RIPOR3: variants seen among roughly 807,000 people sequenced by gnomAD.
RIPOR3 encodes RIPOR family member 3.
In RIPOR3, 95 loss-of-function variants were observed where a neutral mutation model predicts 114.3. The ratio of observed to expected loss-of-function variants is 0.83; its 90% CI spans 0.70 to 0.99. The LOEUF is 0.99. RIPOR3 is among the 50% of genes least tolerant of loss of function. The probability of loss-of-function intolerance (pLI) is 0.00; values close to 1 mark genes in which losing one functional copy is unlikely to be tolerated. For missense variants in RIPOR3, 1,252 were observed against 1,266.9 expected (o/e 0.99, Z 0.18); for synonymous variants, 575 against 543.8 (o/e 1.06, Z -0.80).
At chr20:50,686,610 G>A (rs1229425998) in intron 1 of RIPOR3, among the ~76,000 whole-genome samples, 1 of 151,908 alleles carries the variant, frequency 6.6e-6, no homozygotes, top group African/African-American at 2.4e-5. Flanking sequence ...TTAGCCAGGT[G>A]TGGTGGTGGG....
intron 21 of RIPOR3, among the ~76,000 whole-genome samples, chr20:50,587,570 CCAAAGGT>C (rs1381609975): frequency 1.3e-5 from 2 of 152,190 alleles, no homozygotes; most frequent in Non-Finnish European, 2.9e-5. Context: ...GGCTTCTATC[CCAAAGGT>C]CTAAGAAGAC....
At chr20:50,675,583 G>T (rs1362922148) in intron 1 of RIPOR3, among the ~76,000 whole-genome samples, 1 of 152,194 alleles carries the variant, frequency 6.6e-6, no homozygotes, top group Admixed American at 6.5e-5. Flanking sequence ...AGTCCTCACC[G>T]ACCACACTGT....
intron 19 of RIPOR3, among the ~76,000 whole-genome samples, chr20:50,591,451 G>A (rs1568814642): frequency 6.6e-6 from 1 of 152,162 alleles, no homozygotes; most frequent in East Asian, 1.9e-4. Flanking sequence ...TGGGTTATGG[G>A]TGCAGGTGGA....
chr20:50,651,619 G>A (rs2085616527), intron 1 of RIPOR3, among the ~76,000 whole-genome samples: 1 of 152,156 alleles, frequency 6.6e-6, no homozygotes, highest in African/African-American at 2.4e-5. Context: ...ACTGGCTGTG[G>A]AACGTTGTCC....
Position 50,608,686 on chromosome 20 carries a change from G to T in RIPOR3, c.737C>A (p.Ser246Ter), listed in dbSNP as rs1040802704. ...QRWKLKGRIE[S>*]DDSQTWDEEE... Reference sequence around the variant, plus strand: ...TTCGTCCCAGGTCTGGCTGTCATCTGACTCGATCCGACCCTTGAGCTTCCA... The same window carrying T: ...TTCGTCCCAGGTCTGGCTGTCATCTTACTCGATCCGACCCTTGAGCTTCCA... The change falls in exon 10 of 22, where the codon TCA (serine) becomes TAA (stop). Residue 246 changes from serine to a stop codon, truncating the protein, a stop_gained. Transcript: ENST00000327979. LOFTEE classifies it high-confidence loss of function. The T allele has an allele frequency of 6.2e-7, 1 of 1,614,052 alleles. No individual in the cohort carries two copies. Among genetic ancestry groups the T allele is most frequent in the South Asian group, 1.1e-5 (1 of 91,074 alleles).
At position 50,602,468 on chromosome 20, in the gene RIPOR3, G is replaced by A. The variant is rs180762335; in HGVS notation, c.1263C>T (p.Ser421=). 298 of 1,560,082 alleles carry A rather than the reference G, an allele frequency of 1.9e-4. 1 individual carries two copies. The East Asian group carries it at 6.5e-3, about 34-fold the overall frequency. The change falls in exon 13 of 22, where the codon AGC becomes AGT. Residue 421 remains serine, a synonymous_variant. Coordinates refer to ENST00000327979, the MANE Select transcript of RIPOR3 (RefSeq NM_001290268.2). This position sits in a 1 kb window ranked among gnomAD's most constrained non-coding sequence, Gnocchi z 4.3. Reference sequence around the variant, plus strand: ...CCACATCTGAGGTGGACGCCGACGTGCTGGTCTCCGTGTCTCGGGGGTCCT... The same window carrying A: ...CCACATCTGAGGTGGACGCCGACGTACTGGTCTCCGTGTCTCGGGGGTCCT... ...SSEDPRDTET[S]TSASTSDVGF... is the part of the protein sequence containing the mutation.
chr20:50,623,401 G>A (rs1379876119), intron 2 of RIPOR3, among the ~76,000 whole-genome samples: 15 of 152,246 alleles, frequency 9.9e-5, no homozygotes, highest in South Asian at 2.1e-4. Flanking sequence ...GCGGGATAGC[G>A]AGTGCACCCC....
intron 13 of RIPOR3, among the ~76,000 whole-genome samples, chr20:50,600,824 T>C (rs1457956642): frequency 6.6e-6 from 1 of 152,238 alleles, no homozygotes; most frequent in African/African-American, 2.4e-5. Flanking sequence ...TTTCTGGAAA[T>C]TTTCAGGCAG....
chr20:50,604,814 C>CAG, intron 11 of RIPOR3, 40 bp from the exon 12 acceptor site: 1 of 1,597,082 alleles, frequency 6.3e-7, no homozygotes, highest in Non-Finnish European at 8.5e-7. Context: ...CATCGGCACC[C>CAG]AGAGGCCATT....
chr20:50,597,523 G>GGGTCA, intron 14 of RIPOR3, 57 bp downstream of exon 14: 2 of 1,558,758 alleles, frequency 1.3e-6, no homozygotes, highest in Non-Finnish European at 1.7e-6. Flanking sequence ...CGTGGAGCTC[G>GGGTCA]GGTCACCCGG....
At chr20:50,668,183 CTT>C (rs1292408874) in intron 1 of RIPOR3, among the ~76,000 whole-genome samples, 1 of 152,184 alleles carries the variant, frequency 6.6e-6, no homozygotes, top group East Asian at 1.9e-4. Flanking sequence ...AGACAGATCT[CTT>C]TTTCGCTGTG....
intron 1 of RIPOR3, among the ~76,000 whole-genome samples, chr20:50,642,377 T>TGAGA (rs1252869368): frequency 6.8e-6 from 1 of 147,792 alleles, no homozygotes; most frequent in African/African-American, 2.5e-5. Context: ...TGTGTGTGTG[T>TGAGA]GAGAGAGAGA....
chr20:50,603,745 G>A (rs1015810699), intron 12 of RIPOR3, among the ~76,000 whole-genome samples: 1 of 152,226 alleles, frequency 6.6e-6, no homozygotes, highest in Non-Finnish European at 1.5e-5. Flanking sequence ...GTGCCACAGT[G>A]TGAATCTGGG....
intron 8 of RIPOR3, 125 bp from the exon 9 acceptor site, chr20:50,609,080 G>T: frequency 7.3e-7 from 1 of 1,373,014 alleles, no homozygotes; most frequent in Non-Finnish European, 1.0e-6. Flanking sequence ...ATGGGGGGGA[G>T]GTACACCATC....
In RIPOR3 at chr20:50,628,595, A is replaced by G. The variant is rs58343835; in HGVS notation, c.122+2143T>C. Among the ~76,000 whole-genome samples the G allele has an allele frequency of 4.5e-3, 678 of 151,902 alleles. 17 individuals carry two copies. In the East Asian group the frequency reaches 0.075, roughly 17 times the overall value. ...TCTCGTCAGGCTCTCCCAGGAGACCATGGGTGCCCTCCCCCACCCCCAGTT... is the reference window on the plus strand; with the variant it reads ...TCTCGTCAGGCTCTCCCAGGAGACCGTGGGTGCCCTCCCCCACCCCCAGTT... On this transcript the variant is annotated intron_variant, in intron 2 of 21. Coordinates refer to ENST00000327979, the MANE Select transcript of RIPOR3 (RefSeq NM_001290268.2).
At chr20:50,621,825 G>A (rs2084418300) in intron 2 of RIPOR3, among the ~76,000 whole-genome samples, 1 of 152,220 alleles carries the variant, frequency 6.6e-6, no homozygotes, top group South Asian at 2.1e-4. Context: ...GCCAGCTGGA[G>A]TTGGGAGTGT....
rs2083000925 is a variant in RIPOR3, at chr20:50,588,634, T to C, written c.2662-742A>G. 2.0e-5 allele frequency among the ~76,000 whole-genome samples: 3 copies of C among 150,486 alleles called. No individual in the cohort carries two copies. In the South Asian group the frequency reaches 6.3e-4, roughly 31 times the overall value. On this transcript the variant is annotated intron_variant, in intron 20 of 21. Transcript: ENST00000327979. ...TTTAAAGCTTTATGCACAAACATGA[T>C]CATAAGACATGATTTATGATAAAAA...
At chr20:50,666,189 T>TTTTTCTTTTCTTTTCTTTTCTTTTC (rs1555873289) in intron 1 of RIPOR3, among the ~76,000 whole-genome samples, 2 of 20,922 alleles carry the variant, frequency 9.6e-5, no homozygotes, top group Non-Finnish European at 2.1e-4. Flanking sequence ...ACCCATTTCT[T>TTTTTCTTTTCTTTTCTTTTCTTTTC]TTCTTTTCTT....
chr20:50,597,599 C>CA lies in RIPOR3; in HGVS notation c.1770dup (p.Gly591TrpfsTer54), dbSNP rs1568827690. 1 of 1,608,504 alleles carries CA rather than the reference C, an allele frequency of 6.2e-7. No homozygotes were observed. Among genetic ancestry groups the CA allele is most frequent in the Non-Finnish European group, 8.5e-7 (1 of 1,177,498 alleles). On this transcript the variant is annotated frameshift_variant, in exon 14 of 22. Coordinates refer to ENST00000327979, the MANE Select transcript of RIPOR3 (RefSeq NM_001290268.2). LOFTEE classifies it high-confidence loss of function. Reference sequence around the variant, plus strand: ...ACTCACCGGAGACCCTGGGAGCCCCCAAACAGGGACAGCTCATCCAGGGCG... The same window carrying CA: ...ACTCACCGGAGACCCTGGGAGCCCCCAAAACAGGGACAGCTCATCCAGGGCG...
Sources: allele counts gnomAD v4.1 joint callset (sites outside exome capture counted in the v4.1 genomes callset), GRCh38; gene constraint gnomAD v4.1.1; non-coding constraint Gnocchi (gnomAD v3.1); transcripts MANE v1.5; gene names NCBI Gene and HGNC (gene_info 2026-07-23, HGNC 2026-07-21).